GAREM2: variants seen among roughly 807,000 people sequenced by gnomAD.
The protein encoded by GAREM2 is GRB2 associated regulator of MAPK1 subtype 2, also known as GRB2-associated and regulator of MAPK protein 2.
A neutral mutation model predicts 55.6 loss-of-function variants in GAREM2; 30 were observed. That is an observed-to-expected ratio of 0.54 (90% confidence interval 0.40 to 0.73). The LOEUF is 0.73. GAREM2 is among the 30% of genes least tolerant of loss of function. The pLI is 0.00. For missense variants in GAREM2, 1,075 were observed against 1,257.7 expected (o/e 0.85, Z 2.20); for synonymous variants, 550 against 569.1 (o/e 0.97, Z 0.48).
At chr2:26,193,291 A>ATTT (rs1669564609), downstream of GAREM2, among the ~76,000 whole-genome samples, 2 of 64,460 alleles carry the variant, frequency 3.1e-5, no homozygotes, top group Admixed American at 1.9e-4. Flanking sequence ...TTCACATGAC[A>ATTT]TCTTTTTTTT....
chr2:26,191,766 C>T (rs114021904), downstream of GAREM2: 8,188 of 863,040 alleles, frequency 9.5e-3, 64 homozygotes, highest in Non-Finnish European at 0.013. Context: ...AGAGAAGATG[C>T]TGCCTGGGTG....
At chr2:26,201,138 C>A in the GAREM2 span, 2 of 1,600,772 alleles carry the variant, frequency 1.2e-6, no homozygotes, top group Non-Finnish European at 1.7e-6. Flanking sequence ...GTACAACAGC[C>A]CCTTGCTTAC....
chr2:26,194,024 CTT>C (rs750883968), downstream of GAREM2, among the ~76,000 whole-genome samples: 59 of 152,216 alleles, frequency 3.9e-4, no homozygotes, highest in Non-Finnish European at 3.1e-4. Context: ...TCATTTTCTT[CTT>C]GTTTGCATTT....
the GAREM2 span, among the ~76,000 whole-genome samples, chr2:26,198,726 T>C: frequency 4.0e-5 from 6 of 151,732 alleles, no homozygotes; most frequent in African/African-American, 7.3e-5. Context: ...TTGGCAGTAT[T>C]TGTGATAAAG....
At chr2:26,191,674 A>G, downstream of GAREM2, 1 of 1,601,486 alleles carries the variant, frequency 6.2e-7, no homozygotes, top group East Asian at 2.2e-5. Flanking sequence ...GGAAAAGGGG[A>G]GGAAAGCCAG....
rs1407548392 is a variant in GAREM2 at position 26,189,449 on chromosome 2, C to T, written c.*1192C>T. On this transcript the variant is annotated 3_prime_UTR_variant, in exon 6 of 6. Coordinates refer to ENST00000401533, the MANE Select transcript of GAREM2 (RefSeq NM_001168241.2). ...AGCCTTCTCTTCTGCCTTACCTAGT[C>T]TACCTATTTATTTCCTCCACTTTTT... 6.6e-6 allele frequency: 1 copy of T among 152,206 alleles called. No individual in the cohort carries two copies. Among genetic ancestry groups the T allele is most frequent in the East Asian group, 1.9e-4 (1 of 5,190 alleles). The allele number at this position is 152,206 out of a possible 1,614,324, so 9.4% of individuals were successfully genotyped here. A position where few individuals can be genotyped will look rare whatever the true frequency, so the allele number is the denominator to read the frequency against.
At chr2:26,192,343 A>G (rs971245096), downstream of GAREM2, 3 of 1,605,130 alleles carry the variant, frequency 1.9e-6, no homozygotes, top group African/African-American at 4.0e-5. Flanking sequence ...CAGACTCGCT[A>G]AAATACTATC....
chr2:26,185,171 C>G lies in GAREM2; in HGVS notation c.1323C>G (p.Leu441=). The change falls in exon 4 of 6, where the codon CTC becomes CTG. Residue 441 remains leucine (L), a synonymous_variant. Transcript: ENST00000401533. Reference sequence around the variant, plus strand: ...GGGCGCACCAGGGGCCCGAGGGCCTCGTCCGGCCGCCCCCAGGGCTCGATC... The same window carrying G: ...GGGCGCACCAGGGGCCCGAGGGCCTGGTCCGGCCGCCCCCAGGGCTCGATC... ...ELWAHQGPEG[L]VRPPPGLDLI... The G allele has an allele frequency of 6.6e-7, 1 of 1,508,010 alleles. No individual in the cohort carries two copies. The highest frequency in any genetic ancestry group is 8.8e-7 in the Non-Finnish European group (1 of 1,135,654). 93.4% of individuals were successfully genotyped at this position (1,508,010 alleles called of 1,614,324 possible).
chr2:26,192,220 A>T (rs990160893), downstream of GAREM2: 8 of 164,118 alleles, frequency 4.9e-5, no homozygotes, highest in Non-Finnish European at 8.6e-5. Context: ...TTAAAGTATT[A>T]AAAAAAAAAA....
Position 26,188,327 on chromosome 2 carries a change from A to G in GAREM2, c.*70A>G, listed in dbSNP as rs1237912304. On this transcript the variant is annotated 3_prime_UTR_variant, in exon 6 of 6. Coordinates refer to ENST00000401533, the MANE Select transcript of GAREM2 (RefSeq NM_001168241.2). ...CCCAGGTACAGCACTCCGGAGGAGC[A>G]GGTGCTGCCTGCAAGAAGGATCTAT... 1 of 1,206,504 alleles carries G rather than the reference A, an allele frequency of 8.3e-7. No homozygotes were observed. The highest frequency in any genetic ancestry group is 1.6e-5 in the African/African-American group (1 of 64,336). The allele number at this position is 1,206,504 out of a possible 1,614,324, so 74.7% of individuals were successfully genotyped here.
At chr2:26,200,975 G>A in the GAREM2 span, among the ~76,000 whole-genome samples, 3 of 151,876 alleles carry the variant, frequency 2.0e-5, no homozygotes, top group African/African-American at 7.2e-5. Context: ...CTCGTGATCC[G>A]CCCACCTCAG....
downstream of GAREM2, chr2:26,192,169 GTGTATACCTATGTAACAAACCTGCACA>G: frequency 1.6e-6 from 1 of 637,578 alleles, no homozygotes; most frequent in Non-Finnish European, 2.8e-6. Context: ...ACCATGGCAC[GTGTATACCTATGTAACAAACCTGCACA>G]TGTATCCCAG....
At chr2:26,187,099 T>TGGGCTG (rs776677735) in intron 5 of GAREM2, 132 bp from the exon 6 acceptor site, 90 of 1,273,612 alleles carry the variant, frequency 7.1e-5, no homozygotes, top group Non-Finnish European at 4.5e-5. Context: ...CGGAGGGTCT[T>TGGGCTG]GGGCTGGGGC....
In GAREM2 at chr2:26,176,419, C is replaced by A; in HGVS notation, c.188C>A (p.Ala63Asp). The change falls in exon 2 of 6, where the codon GCT (alanine) becomes GAT (aspartate). Residue 63 changes from alanine to aspartate, a missense_variant. Around this residue, in one of 6 missense-constraint regions of GAREM2, gnomAD observed 230 missense variants for 310.6 expected, o/e 0.74. Coordinates refer to ENST00000401533, the MANE Select transcript of GAREM2 (RefSeq NM_001168241.2). ...TGCCGGCAGTGGACAACGGTGACAG[C>A]TCATACCCTGGAGGAGGGCCACTAT... ...HSCRQWTTVT[A>D]HTLEEGHYVI... 2 of 1,550,812 alleles carry A rather than the reference C, an allele frequency of 1.3e-6. No individual in the cohort carries two copies. The highest frequency in any genetic ancestry group is 1.7e-6 in the Non-Finnish European group (2 of 1,146,498).
At chr2:26,182,529 A>G in intron 2 of GAREM2, 1 of 1,535,174 alleles carries the variant, frequency 6.5e-7, no homozygotes, top group African/African-American at 1.4e-5. Context: ...ACCCCCTCAG[A>G]TGAGGACCCA....
intron 4 of GAREM2, 78 bp from the exon 5 acceptor site, chr2:26,186,111 C>T (rs1669244463): frequency 7.3e-7 from 1 of 1,378,390 alleles, no homozygotes; most frequent in Admixed American, 2.8e-5. Context: ...AGCCCCCTCG[C>T]CCAGCTGCTT....
downstream of GAREM2, chr2:26,191,092 G>T: frequency 1.4e-6 from 1 of 715,206 alleles, no homozygotes; most frequent in Non-Finnish European, 2.5e-6. Context: ...CCAGGAGGGA[G>T]AGATGGTCTT....
intron 1 of GAREM2, 103 bp downstream of exon 1, chr2:26,173,435 TC>T: frequency 1.9e-6 from 1 of 520,450 alleles, no homozygotes; most frequent in Non-Finnish European, 2.8e-6. Context: ...ACCCGCACCC[TC>T]CCAGCTCCCC....
In GAREM2 at chr2:26,187,242, G is replaced by C; in HGVS notation, c.1610G>C (p.Arg537Pro). The C allele has an allele frequency of 6.9e-7, 1 of 1,449,376 alleles. No individual in the cohort carries two copies. The highest frequency in any genetic ancestry group is 9.1e-7 in the Non-Finnish European group (1 of 1,095,328). The allele number at this position is 1,449,376 out of a possible 1,614,324, so 89.8% of individuals were successfully genotyped here. A position where few individuals can be genotyped will look rare whatever the true frequency, so the allele number is the denominator to read the frequency against. ...SSGLQDGAGS[R>P]SGSGSPSPDT... ...GTCTCTGTCCACAGGGCGGGTTCCC[G>C]CAGTGGCAGTGGCTCCCCATCGCCG... The change falls in exon 6 of 6, where the codon CGC becomes CCC. Residue 537 changes from arginine (R) to proline (P), a missense_variant. This residue lies in a region of GAREM2 where 515 missense variants were observed against 501.5 expected (regional missense o/e 1.03). Transcript: ENST00000401533.
Sources: allele counts gnomAD v4.1 joint callset (sites outside exome capture counted in the v4.1 genomes callset), GRCh38; gene constraint gnomAD v4.1.1; regional missense constraint gnomAD v4.1.1; transcripts MANE v1.5; gene names NCBI Gene and HGNC (gene_info 2026-07-23, HGNC 2026-07-21).